LCA5L: variants seen among roughly 807,000 people sequenced by gnomAD.
LCA5L encodes lebercilin-like protein.
LCA5L carries 35 observed loss-of-function variants against 45.4 expected under a neutral mutation model. That is an observed-to-expected ratio of 0.77 (90% confidence interval 0.59 to 1.02). LCA5L has a LOEUF of 1.02. LCA5L is among the 50% of genes least tolerant of loss of function. LCA5L has a pLI of 0.00. For synonymous variants in LCA5L, 233 were observed against 264.7 expected (o/e 0.88, Z 1.16); for missense variants, 668 against 761.6 (o/e 0.88, Z 1.45).
chr21:39,440,252 CA>C (rs1374165522), intron 2 of LCA5L, among the ~76,000 whole-genome samples: 1 of 152,008 alleles, frequency 6.6e-6, no homozygotes, highest in Non-Finnish European at 1.5e-5. Flanking sequence ...CTGAGGCAGG[CA>C]AAGAGAAGAA....
chr21:39,406,091 G>A lies in LCA5L; in HGVS notation c.1804C>T (p.Leu602Phe). 6.2e-7 allele frequency: 1 copy of A among 1,614,166 alleles called. No individual in the cohort carries two copies. Among genetic ancestry groups the A allele is most frequent in the African/African-American group, 1.3e-5 (1 of 75,038 alleles). ...RDKKSSLMEE[L>F]FGSGYVLKTD... ...TTCAAGACATAGCCTGATCCAAAGA[G>A]TTCTTCCATGAGACTGCTTTTCTTA... The change falls in exon 11 of 11, where the codon CTC becomes TTC. Residue 602 changes from leucine to phenylalanine, a missense_variant. Transcript: ENST00000288350.
intron 2 of LCA5L, among the ~76,000 whole-genome samples, chr21:39,436,832 A>C (rs1662278094): frequency 6.6e-6 from 1 of 152,024 alleles, no homozygotes; most frequent in African/African-American, 2.4e-5. Flanking sequence ...AAAAAAACTT[A>C]CTCAGCATGC....
chr21:39,406,858 A>G (rs1003687811), intron 10 of LCA5L: 10 of 408,532 alleles, frequency 2.4e-5, no homozygotes, highest in Non-Finnish European at 4.3e-5. Flanking sequence ...AATGACATTC[A>G]TAGAAGAAGA....
At position 39,406,463 on chromosome 21, in the gene LCA5L, G is replaced by T. The variant is rs748763251; in HGVS notation, c.1432C>A (p.Pro478Thr). Residue 478 changes from proline (P) to threonine (T), a missense_variant, in exon 11 of 11, where the codon CCT (proline) becomes ACT (threonine). Physicochemically the swap from Pro to Thr is conservative, Grantham distance 38. Transcript: ENST00000288350. ...LPPKIIEVIH[P>T]ERESNQEDVL... ...TCTTCTTGATTGCTTTCTCTTTCAG[G>T]ATGAATAACTTCAATTATTTTTGGT... 4.3e-6 allele frequency: 7 copies of T among 1,613,790 alleles called. No individual in the cohort carries two copies. In the African/African-American group the frequency reaches 6.7e-5, roughly 15 times the overall value.
At chr21:39,424,466 G>A (rs1292082253) in intron 5 of LCA5L, among the ~76,000 whole-genome samples, 1 of 152,204 alleles carries the variant, frequency 6.6e-6, no homozygotes, top group Non-Finnish European at 1.5e-5. Flanking sequence ...GGGTGACAAA[G>A]TGAGACCCTG....
chr21:39,410,521 T>G (rs2039905025), intron 8 of LCA5L, among the ~76,000 whole-genome samples, 154 bp from the exon 9 acceptor site: 1 of 152,240 alleles, frequency 6.6e-6, no homozygotes, highest in Non-Finnish European at 1.5e-5. Flanking sequence ...GTTAGTTTCC[T>G]GTTTTTCCCT....
intron 8 of LCA5L, 37 bp downstream of exon 8, chr21:39,411,681 T>G: frequency 8.8e-7 from 1 of 1,138,376 alleles, no homozygotes; most frequent in Non-Finnish European, 1.3e-6. Context: ...ACTAGATACT[T>G]AAAAATAGAT....
chr21:39,428,598 A>ATATATATATATATATATATATATATT (rs1242243392), intron 4 of LCA5L, 95 bp from the exon 5 acceptor site: 3 of 32,034 alleles, frequency 9.4e-5, no homozygotes, highest in Non-Finnish European at 1.2e-4. Flanking sequence ...ATATATATAT[A>ATATATATATATATATATATATATATT]TTTTTTTTTT....
At chr21:39,436,827 A>C (rs2076335594) in intron 2 of LCA5L, among the ~76,000 whole-genome samples, 1 of 152,128 alleles carries the variant, frequency 6.6e-6, no homozygotes. Flanking sequence ...TGGGAAAAAA[A>C]ACTTACTCAG....
intron 3 of LCA5L, 91 bp downstream of exon 3, chr21:39,435,329 T>C (rs1397024661): frequency 2.0e-5 from 3 of 152,236 alleles, no homozygotes; most frequent in African/African-American, 7.2e-5. Context: ...TCATTCTGAA[T>C]ACAACGGTCA....
At chr21:39,411,497 G>T (rs1320462760) in intron 8 of LCA5L, among the ~76,000 whole-genome samples, 1 of 152,158 alleles carries the variant, frequency 6.6e-6, no homozygotes, top group Non-Finnish European at 1.5e-5. Flanking sequence ...CTGAAGAAAG[G>T]ACATAAAGGG....
rs144660098 is a variant in LCA5L, at chr21:39,437,201, C to T, written c.-245-1628G>A. ...CTGAAAAGCTCCAAATGAAAGCTTT[C>T]CCAATGTGATAAATACCTATCTCAA... On this transcript the variant is annotated intron_variant, in intron 2 of 10. Transcript: ENST00000288350. Among the ~76,000 whole-genome samples the T allele has an allele frequency of 7.4e-3, 1,124 of 152,250 alleles. 7 individuals carry two copies. The highest frequency in any genetic ancestry group is 0.013 in the Non-Finnish European group (902 of 68,014).
rs760852334 is a variant in LCA5L, at chr21:39,422,939, T to G, written c.837+37A>C. On this transcript the variant is annotated intron_variant, in intron 6 of 10. Coordinates refer to ENST00000288350, the MANE Select transcript of LCA5L (RefSeq NM_152505.4). ...ATTCACACCCTCTCTCTATTAACTT[T>G]GGAATCTTAAACTGTCTGGGCCCCT... 30 of 1,587,416 alleles carry G rather than the reference T, an allele frequency of 1.9e-5. No homozygotes were observed. In the South Asian group the frequency reaches 3.1e-4, roughly 16 times the overall value.
chr21:39,423,920 T>C (rs2074182755), intron 5 of LCA5L, among the ~76,000 whole-genome samples: 1 of 152,180 alleles, frequency 6.6e-6, no homozygotes, highest in Non-Finnish European at 1.5e-5. Flanking sequence ...TTTGGGAGGC[T>C]GCAGTGGGAG....
At chr21:39,410,830 CTCTATTAT>C (rs1344951098) in intron 8 of LCA5L, 6 of 471,010 alleles carry the variant, frequency 1.3e-5, no homozygotes, top group Non-Finnish European at 2.2e-5. Flanking sequence ...GATTCATTGT[CTCTATTAT>C]TCTAGATTAT....
chr21:39,413,060 C>A (rs897862568), intron 7 of LCA5L, among the ~76,000 whole-genome samples: 24 of 152,120 alleles, frequency 1.6e-4, no homozygotes, highest in Non-Finnish European at 1.5e-5. Flanking sequence ...CAGCAGGGGA[C>A]AATCACCAGG....
At chr21:39,417,820 C>T (rs868487209) in intron 7 of LCA5L, among the ~76,000 whole-genome samples, 33 of 152,124 alleles carry the variant, frequency 2.2e-4, no homozygotes, top group Non-Finnish European at 4.3e-4. Context: ...GGCTGGAGTG[C>T]GGTGGCGTGA....
At chr21:39,441,028 G>A (rs182567288) in intron 2 of LCA5L, among the ~76,000 whole-genome samples, 3 of 152,196 alleles carry the variant, frequency 2.0e-5, no homozygotes, top group African/African-American at 7.2e-5. Context: ...ATTGACAAAG[G>A]GAGGTTATGA....
At position 39,442,976 on chromosome 21, in the gene LCA5L, G is replaced by A. The variant is rs902475290; in HGVS notation, c.-246+1159C>T. Among the ~76,000 whole-genome samples the A allele has an allele frequency of 2.6e-5, 4 of 152,180 alleles. No individual in the cohort carries two copies. In the East Asian group the frequency reaches 7.7e-4, roughly 29 times the overall value. On this transcript the variant is annotated intron_variant, in intron 2 of 10. Coordinates refer to ENST00000288350, the MANE Select transcript of LCA5L (RefSeq NM_152505.4). Reference sequence around the variant, plus strand: ...ATTAAGGAGCCTGGGAGAGGAGGGTGAGCCAGAATGGCAGCAGGAAAAGCA... The same window carrying A: ...ATTAAGGAGCCTGGGAGAGGAGGGTAAGCCAGAATGGCAGCAGGAAAAGCA...
Sources: allele counts gnomAD v4.1 joint callset (sites outside exome capture counted in the v4.1 genomes callset), GRCh38; gene constraint gnomAD v4.1.1; transcripts MANE v1.5; gene names NCBI Gene and HGNC (gene_info 2026-07-23, HGNC 2026-07-21).